AFF2: variants seen among roughly 807,000 people sequenced by gnomAD.
The protein encoded by AFF2 is ALF transcription elongation factor 2.
Under a neutral mutation model 76.9 loss-of-function variants are expected in AFF2, and 14 were observed. The observed-to-expected ratio is 0.18, with a 90% CI of 0.12 to 0.28. The LOEUF is 0.28. Among genes scored for constraint, AFF2 ranks in the 10% least tolerant of loss-of-function variants. The pLI is 1.00. For missense variants in AFF2, 868 were observed against 1,001.1 expected, an observed-to-expected ratio of 0.87 and a Z score of 1.79; for synonymous variants, 398 against 366.7, an observed-to-expected ratio of 1.09 and a Z score of -0.98.
chrX:148,877,860 C>G (rs1416675095), intron 7 of AFF2, among the ~76,000 whole-genome samples: 3 of 111,885 alleles, frequency 2.7e-5, no homozygotes, highest in African/African-American at 9.7e-5. Flanking sequence ...GGACAGCTTC[C>G]TTAGATAGAT....
intron 3 of AFF2, among the ~76,000 whole-genome samples, chrX:148,726,950 C>G (rs918383454): frequency 1.8e-5 from 2 of 111,726 alleles, no homozygotes; most frequent in African/African-American, 6.5e-5. Context: ...ATTAACAGAG[C>G]CCCCAGTGTG....
intron 1 of AFF2, among the ~76,000 whole-genome samples, chrX:148,631,375 A>G (rs1351576556): frequency 9.0e-6 from 1 of 111,609 alleles, no homozygotes; most frequent in Non-Finnish European, 1.9e-5. Flanking sequence ...TGTCATATAT[A>G]TATAAATATA....
intron 4 of AFF2, among the ~76,000 whole-genome samples, chrX:148,815,657 G>A (rs1557272109): frequency 9.0e-6 from 1 of 111,085 alleles, no homozygotes; most frequent in African/African-American, 3.3e-5. Flanking sequence ...AATATATGAG[G>A]TGAATTTTAA....
chrX:148,960,087 G>T (rs1448382639), intron 12 of AFF2, among the ~76,000 whole-genome samples: 1 of 112,966 alleles, frequency 8.9e-6, no homozygotes, highest in African/African-American at 3.2e-5. Flanking sequence ...CCCCAGCTGA[G>T]GTCTGAGGGG....
intron 7 of AFF2, among the ~76,000 whole-genome samples, chrX:148,850,015 C>T (rs1459983829): frequency 1.8e-5 from 2 of 111,498 alleles, no homozygotes; most frequent in Admixed American, 9.5e-5. Flanking sequence ...GCATATACTA[C>T]ACATGCTGAC....
At chrX:148,712,602 G>A (rs1167441102) in intron 3 of AFF2, among the ~76,000 whole-genome samples, 1 of 112,018 alleles carries the variant, frequency 8.9e-6, no homozygotes, top group African/African-American at 3.2e-5. Context: ...AGTCTATTAT[G>A]TGTAGTTTTT....
At chrX:148,980,925 A>G (rs1361623110) in intron 19 of AFF2, 135 bp downstream of exon 19, 10 of 391,987 alleles carry the variant, frequency 2.6e-5, no homozygotes, top group Non-Finnish European at 4.0e-5. Flanking sequence ...AATTCCAGCC[A>G]GGCTTCGGCT....
At chrX:148,737,575 T>C (rs2055300474) in intron 3 of AFF2, among the ~76,000 whole-genome samples, 1 of 111,677 alleles carries the variant, frequency 9.0e-6, no homozygotes, top group African/African-American at 3.3e-5. Flanking sequence ...GTTGACAGTT[T>C]GACTTTCCCT....
intron 9 of AFF2, among the ~76,000 whole-genome samples, chrX:148,924,281 T>C (rs1418241652): frequency 2.7e-5 from 3 of 112,000 alleles, no homozygotes; most frequent in African/African-American, 9.7e-5. Flanking sequence ...ACCTACCAGC[T>C]AATGAAAAGA....
intron 1 of AFF2, among the ~76,000 whole-genome samples, chrX:148,583,088 C>G (rs782763142): frequency 8.9e-5 from 10 of 111,769 alleles, no homozygotes; most frequent in Non-Finnish European, 1.7e-4. Context: ...GTGGTTGTAA[C>G]TGTTTAGTGA....
chrX:148,864,753 G>C (rs1463650755), intron 7 of AFF2, among the ~76,000 whole-genome samples: 2 of 111,992 alleles, frequency 1.8e-5, no homozygotes, highest in African/African-American at 3.2e-5. Context: ...ATTATTTCCA[G>C]CAAGTGTAAA....
intron 7 of AFF2, among the ~76,000 whole-genome samples, chrX:148,849,380 C>A (rs1246408437): frequency 2.8e-5 from 1 of 35,174 alleles, no homozygotes; most frequent in Admixed American, 2.2e-4. Flanking sequence ...CCCCCCCCCC[C>A]CCCCCCGCTG....
chrX:148,791,842 A>G (rs1603301420), intron 3 of AFF2, among the ~76,000 whole-genome samples: 1 of 111,593 alleles, frequency 9.0e-6, no homozygotes, highest in South Asian at 3.8e-4. Context: ...ATATAACTTT[A>G]TGCTCATCAG....
chrX:148,504,696 C>T (rs1312043538), intron 1 of AFF2, among the ~76,000 whole-genome samples: 1 of 113,192 alleles, frequency 8.8e-6, no homozygotes, highest in East Asian at 2.8e-4. Context: ...GTCCGAACTG[C>T]ACTTTCCCCA....
intron 3 of AFF2, among the ~76,000 whole-genome samples, chrX:148,669,072 A>T (rs1038186111): frequency 3.6e-5 from 4 of 111,475 alleles, no homozygotes; most frequent in Non-Finnish European, 7.5e-5. Flanking sequence ...TTAAGTTCAA[A>T]GTTCCACAAG....
chrX:148,848,382 A>G (rs1485420074), intron 7 of AFF2, among the ~76,000 whole-genome samples: 2 of 112,283 alleles, frequency 1.8e-5, no homozygotes, highest in African/African-American at 6.5e-5. Flanking sequence ...TTTTAGATCA[A>G]TTTTGAAAAT....
chrX:148,827,834 T>G (rs2070407061), intron 4 of AFF2, among the ~76,000 whole-genome samples: 2 of 111,912 alleles, frequency 1.8e-5, no homozygotes, highest in Non-Finnish European at 3.8e-5. Context: ...TCAATAAATG[T>G]TTTCTGAATG....
chrX:148,796,843 A>G (rs1246193955), intron 3 of AFF2, among the ~76,000 whole-genome samples: 1 of 112,576 alleles, frequency 8.9e-6, no homozygotes, highest in East Asian at 2.8e-4. Flanking sequence ...TTAGCAAAGT[A>G]TCGATTATAT....
At chrX:148,704,490 A>T (rs1219315300) in intron 3 of AFF2, among the ~76,000 whole-genome samples, 1 of 44,799 alleles carries the variant, frequency 2.2e-5, no homozygotes, top group Non-Finnish European at 4.7e-5. Flanking sequence ...GTATATATAT[A>T]TTTATATATA....
Sources: gnomAD v4.1 joint callset for allele counts (sites outside exome capture counted in the v4.1 genomes callset) on GRCh38, gnomAD v4.1.1 for gene constraint, MANE v1.5 for transcripts, NCBI Gene and HGNC (gene_info 2026-07-23, HGNC 2026-07-21) for gene names.